The following FARP1 variants were observed in gnomAD, a reference collection of about 807,000 sequenced individuals.
The protein encoded by FARP1 is FERM, ARH/RhoGEF and pleckstrin domain protein 1, also known as FERM, ARHGEF and pleckstrin domain-containing protein 1.
A neutral mutation model predicts 128.8 loss-of-function variants in FARP1; 52 were observed. That is an observed-to-expected ratio of 0.40 (90% CI 0.32 to 0.51). The LOEUF (loss-of-function observed/expected upper bound fraction) is 0.51. Among genes scored for constraint, FARP1 ranks in the 20% least tolerant of loss-of-function variants. The pLI is 0.45. For missense variants in FARP1, 1,333 were observed against 1,367.9 expected, an observed-to-expected ratio of 0.97 and a Z score of 0.40; for synonymous variants, 580 against 551.8, an observed-to-expected ratio of 1.05 and a Z score of -0.72.
chr13:98,432,986 A>C (rs1421003892), intron 18 of FARP1: 5 of 151,746 alleles, frequency 3.3e-5, no homozygotes, highest in Non-Finnish European at 7.3e-5. Context: ...ATGGTGTCTA[A>C]GTTCAGAACT....
chr13:98,143,860 C>T (rs1875282897), intron 1 of FARP1, among the ~76,000 whole-genome samples: 1 of 151,800 alleles, frequency 6.6e-6, no homozygotes, highest in Non-Finnish European at 1.5e-5. Context: ...CAGCGCTGGA[C>T]GCCGCTTCCG....
intron 5 of FARP1, among the ~76,000 whole-genome samples, chr13:98,373,101 A>G (rs1889419058): frequency 6.6e-6 from 1 of 152,128 alleles, no homozygotes; most frequent in Admixed American, 6.5e-5. Context: ...AGGGGGAGTC[A>G]CGTTCTTCCT....
Position 98,164,236 on chromosome 13 carries a change from C to A in FARP1, c.-24+20744C>A, listed in dbSNP as rs146602203. 3.2e-3 allele frequency among the ~76,000 whole-genome samples: 493 copies of A among 152,246 alleles called. 1 individual carries two copies. The highest frequency in any genetic ancestry group is 0.011 in the African/African-American group (476 of 41,552). ...TAGTTTGCCTCCATTTGTTAATTTG[C>A]GGGCCACCTTGGTCCGTTTTGGGGG... On this transcript the variant is annotated intron_variant, in intron 1 of 26. Transcript: ENST00000319562.
chr13:98,308,195 C>T (rs1212794142), intron 2 of FARP1, among the ~76,000 whole-genome samples: 4 of 152,046 alleles, frequency 2.6e-5, no homozygotes, highest in Non-Finnish European at 4.4e-5. Flanking sequence ...ACTTTGTTTA[C>T]GTGGTTTTTC....
chr13:98,309,153 CTTTTTTTTTTTTTTTTTTTT>C (rs56030081), intron 2 of FARP1, among the ~76,000 whole-genome samples: 2 of 89,670 alleles, frequency 2.2e-5, no homozygotes, highest in Admixed American at 1.4e-4. Context: ...TTTAAGAGGC[CTTTTTTTTTTTTTTTTTTTT>C]TTTTTTTTTT....
Position 98,451,458 on chromosome 13 carries a change from A to G in FARP1, c.*3141A>G, listed in dbSNP as rs1893188693. On this transcript the variant is annotated 3_prime_UTR_variant, in exon 27 of 27. Coordinates refer to ENST00000319562, the MANE Select transcript of FARP1 (RefSeq NM_005766.4). ...CCCAACCAAAATATATCCCTTATAC[A>G]AATTAAGAGTTCAACCCAAATCCAC... The G allele has an allele frequency of 6.6e-6, 1 of 152,228 alleles. No homozygotes were observed. The highest frequency in any genetic ancestry group is 6.5e-5 in the Admixed American group (1 of 15,282). The allele number at this position is 152,228 out of a possible 1,614,324, so 9.4% of individuals were successfully genotyped here. A position where few individuals can be genotyped will look rare whatever the true frequency, so the allele number is the denominator to read the frequency against.
chr13:98,244,589 T>G (rs748137548), intron 2 of FARP1: 1 of 1,614,196 alleles, frequency 6.2e-7, no homozygotes, highest in Non-Finnish European at 8.5e-7. Flanking sequence ...CACATCTAAT[T>G]GAGAAGTTTG....
At chr13:98,263,658 G>T (rs1566808556) in intron 2 of FARP1, among the ~76,000 whole-genome samples, 1 of 152,184 alleles carries the variant, frequency 6.6e-6, no homozygotes, top group Non-Finnish European at 1.5e-5. Flanking sequence ...AAGGAAATAG[G>T]TAGATCTGTG....
chr13:98,221,720 G>C (rs1197808155), intron 2 of FARP1, among the ~76,000 whole-genome samples: 1 of 152,056 alleles, frequency 6.6e-6, no homozygotes, highest in East Asian at 1.9e-4. Context: ...CATTTTCCTA[G>C]AGTCAGGATG....
rs1351426584 is a variant in FARP1 at position 98,440,208 on chromosome 13, T to C, written c.2602T>C (p.Phe868Leu). ...AEKSSSPAPE[F>L]LASSPPDNKS... ...GAAGAGCAGCAGCCCCGCCCCTGAG[T>C]TCCTGGCCAGCAGCCCCCCTGACAA... Residue 868 changes from phenylalanine to leucine, a missense_variant, in exon 23 of 27, where the codon TTC (phenylalanine) becomes CTC (leucine). Phe to Leu is a conservative substitution (Grantham distance 22). Transcript: ENST00000319562. 1 of 1,613,806 alleles carries C rather than the reference T, an allele frequency of 6.2e-7. No homozygotes were observed. The highest frequency in any genetic ancestry group is 8.5e-7 in the Non-Finnish European group (1 of 1,179,814).
chr13:98,395,602 C>G, intron 13 of FARP1, 126 bp downstream of exon 13: 1 of 1,164,228 alleles, frequency 8.6e-7, no homozygotes, highest in South Asian at 1.6e-5. Flanking sequence ...ATCCCGGTCC[C>G]GGTCCCAAAC....
chr13:98,218,268 C>G (rs1881208687), intron 2 of FARP1, among the ~76,000 whole-genome samples: 1 of 152,138 alleles, frequency 6.6e-6, no homozygotes, highest in Admixed American at 6.5e-5. Context: ...GTGCTCCAGG[C>G]CAGCCTTCTC....
chr13:98,149,585 A>G (rs1311312756), intron 1 of FARP1, among the ~76,000 whole-genome samples: 1 of 152,116 alleles, frequency 6.6e-6, no homozygotes, highest in African/African-American at 2.4e-5. Context: ...TCAACACTTG[A>G]AACAGTCTTT....
At chr13:98,366,066 C>A (rs531112915) in intron 4 of FARP1, among the ~76,000 whole-genome samples, 1 of 152,166 alleles carries the variant, frequency 6.6e-6, no homozygotes, top group South Asian at 2.1e-4. Context: ...CTTCCCCTCT[C>A]TATGCTTTGA....
At chr13:98,444,549 G>T (rs151229828) in intron 24 of FARP1, among the ~76,000 whole-genome samples, 18 of 152,320 alleles carry the variant, frequency 1.2e-4, no homozygotes, top group Admixed American at 1.2e-3. Flanking sequence ...GGCGCGCAGG[G>T]CCCGTAACAC....
rs1893132451 is a variant in FARP1 at position 98,450,426 on chromosome 13, T to A, written c.*2109T>A. On this transcript the variant is annotated 3_prime_UTR_variant, in exon 27 of 27. Coordinates refer to ENST00000319562, the MANE Select transcript of FARP1 (RefSeq NM_005766.4). ...CAAACCAGCCACTTCACAAGAGCAA[T>A]GCAGGGATAAAACTATTGGATAAGG... The A allele has an allele frequency of 6.6e-6, 1 of 151,038 alleles. No individual in the cohort carries two copies. Among genetic ancestry groups the A allele is most frequent in the Non-Finnish European group, 1.5e-5 (1 of 67,290 alleles). 9.4% of individuals were successfully genotyped at this position (151,038 alleles called of 1,614,324 possible).
At chr13:98,310,032 C>T (rs1049755041) in intron 2 of FARP1, among the ~76,000 whole-genome samples, 1 of 151,532 alleles carries the variant, frequency 6.6e-6, no homozygotes, top group Non-Finnish European at 1.5e-5. Context: ...CATCCTCTCT[C>T]TCTCTATTCC....
intron 1 of FARP1, among the ~76,000 whole-genome samples, chr13:98,188,990 G>A (rs1243888489): frequency 2.0e-5 from 3 of 152,132 alleles, no homozygotes; most frequent in East Asian, 1.9e-4. Flanking sequence ...ATGAAGGCTC[G>A]CCAGCTCCAC....
chr13:98,151,181 CT>C (rs1283250892), intron 1 of FARP1, among the ~76,000 whole-genome samples: 1 of 152,072 alleles, frequency 6.6e-6, no homozygotes. Flanking sequence ...ATTCACATAA[CT>C]TTTATTACAG....
Sources: allele counts gnomAD v4.1 joint callset (sites outside exome capture counted in the v4.1 genomes callset), GRCh38; gene constraint gnomAD v4.1.1; transcripts MANE v1.5; gene names NCBI Gene and HGNC (gene_info 2026-07-23, HGNC 2026-07-21).